The following MPP7 variants were observed in gnomAD, a reference collection of about 807,000 sequenced individuals.
MPP7 encodes the protein MAGUK p55 subfamily member 7.
Under a neutral mutation model 76.5 loss-of-function variants are expected in MPP7, and 60 were observed. That is an observed-to-expected ratio of 0.78 (90% CI 0.64 to 0.97). The LOEUF (loss-of-function observed/expected upper bound fraction) is 0.97, where lower values mean the gene tolerates loss of function less well. Ranked by LOEUF, MPP7 falls within the 50% of genes least tolerant of loss-of-function variation. The pLI is 0.00. For synonymous variants in MPP7, 237 were observed against 244.5 expected (o/e 0.97, Z 0.29); for missense variants, 641 against 694.0 (o/e 0.92, Z 0.86).
intron 11 of MPP7, among the ~76,000 whole-genome samples, chr10:28,090,143 G>A (rs1853226781): frequency 6.6e-6 from 1 of 151,956 alleles, no homozygotes; most frequent in Non-Finnish European, 1.5e-5. Context: ...AAAATACTTT[G>A]TAGAGACAGG....
At chr10:28,112,331 GA>G (rs1004953588) in intron 11 of MPP7, among the ~76,000 whole-genome samples, 4 of 152,080 alleles carry the variant, frequency 2.6e-5, no homozygotes, top group African/African-American at 7.2e-5. Flanking sequence ...GGACCAATGG[GA>G]TAGATTAAAT....
chr10:28,072,659 G>A (rs1337211846), intron 12 of MPP7, among the ~76,000 whole-genome samples: 2 of 152,142 alleles, frequency 1.3e-5, no homozygotes, highest in East Asian at 1.9e-4. Context: ...TCCAAATGCA[G>A]CCTCTGACTT....
chr10:28,258,859 GGA>G (rs1357054218), intron 1 of MPP7, among the ~76,000 whole-genome samples: 5 of 152,094 alleles, frequency 3.3e-5, no homozygotes, highest in Non-Finnish European at 7.4e-5. Flanking sequence ...CTGTGGAGTG[GGA>G]GAGAGAGCTC....
In MPP7 at chr10:28,244,845, C is replaced by T. The variant is rs182795861; in HGVS notation, c.-131-6110G>A. 8.5e-5 allele frequency among the ~76,000 whole-genome samples: 13 copies of T among 152,242 alleles called. No homozygotes were observed. In the East Asian group the frequency reaches 2.3e-3, roughly 27 times the overall value. Reference sequence around the variant, plus strand: ...AGTGCGGGCTCGGGAAGGCACACAACCGCCCCTTCTCTGCAAGCATAGGTG... The same window carrying T: ...AGTGCGGGCTCGGGAAGGCACACAATCGCCCCTTCTCTGCAAGCATAGGTG... On this transcript the variant is annotated intron_variant, in intron 1 of 16. Transcript: ENST00000683449.
At chr10:28,057,602 C>CTTTTTTTTTTTTTTTTTT (rs1564608908) in intron 15 of MPP7, 1 of 311,474 alleles carries the variant, frequency 3.2e-6, no homozygotes, top group African/African-American at 3.7e-5. Context: ...GCCAATTAAA[C>CTTTTTTTTTTTTTTTTTT]CTCTTTTTTT....
intron 3 of MPP7, among the ~76,000 whole-genome samples, chr10:28,199,839 C>T (rs1837711030): frequency 6.6e-6 from 1 of 151,524 alleles, no homozygotes; most frequent in African/African-American, 2.4e-5. Flanking sequence ...AACTCCTGGC[C>T]TCGGATTACA....
chr10:28,064,144 T>C (rs1564612754), intron 13 of MPP7, among the ~76,000 whole-genome samples: 1 of 152,216 alleles, frequency 6.6e-6, no homozygotes, highest in Non-Finnish European at 1.5e-5. Context: ...GTAATAACTT[T>C]ATTTATAATA....
At chr10:28,198,055 A>G (rs995455558) in intron 3 of MPP7, among the ~76,000 whole-genome samples, 1 of 152,192 alleles carries the variant, frequency 6.6e-6, no homozygotes, top group African/African-American at 2.4e-5. Flanking sequence ...GAAAATATCA[A>G]TTTGGGTTTG....
chr10:28,227,547 A>G (rs1481511079), intron 2 of MPP7, among the ~76,000 whole-genome samples: 4 of 151,382 alleles, frequency 2.6e-5, no homozygotes, highest in African/African-American at 9.7e-5. Flanking sequence ...GCTCCCACTT[A>G]CAAGAGAAAA....
chr10:28,095,670 G>A (rs1157564368), intron 11 of MPP7, among the ~76,000 whole-genome samples: 1 of 152,130 alleles, frequency 6.6e-6, no homozygotes, highest in African/African-American at 2.4e-5. Flanking sequence ...GTACACAGAG[G>A]ATTCTTTTAG....
chr10:28,271,209 C>G (rs1840316968), intron 1 of MPP7, among the ~76,000 whole-genome samples: 1 of 152,124 alleles, frequency 6.6e-6, no homozygotes, highest in Admixed American at 6.6e-5. Flanking sequence ...TTGGAAGGAG[C>G]AGAGAAACCA....
At chr10:28,127,012 T>A (rs1457866160) in intron 6 of MPP7, among the ~76,000 whole-genome samples, 1 of 152,182 alleles carries the variant, frequency 6.6e-6, no homozygotes, top group African/African-American at 2.4e-5. Context: ...ACTGTATGTA[T>A]GAGGAACTCC....
At chr10:28,203,933 A>T (rs538357282) in intron 2 of MPP7, among the ~76,000 whole-genome samples, 14 of 152,354 alleles carry the variant, frequency 9.2e-5, no homozygotes, top group African/African-American at 3.4e-4. Context: ...TCACATAAAA[A>T]GTACTCAATA....
At chr10:28,311,035 C>T (rs1259384690) in intron 2 of MPP7, among the ~76,000 whole-genome samples, 1 of 152,124 alleles carries the variant, frequency 6.6e-6, no homozygotes, top group African/African-American at 2.4e-5. Context: ...ATGGGATCCC[C>T]AGTGGCTTAC....
intron 2 of MPP7, among the ~76,000 whole-genome samples, chr10:28,229,685 C>T (rs7094807): frequency 0.17 from 26,322 of 151,856 alleles, 2,576 homozygotes; most frequent in African/African-American, 0.26. Flanking sequence ...GTCAGGAGAT[C>T]GAGACCATCC....
intron 12 of MPP7, among the ~76,000 whole-genome samples, chr10:28,070,353 C>T (rs1375272131): frequency 1.3e-5 from 2 of 151,980 alleles, no homozygotes; most frequent in East Asian, 3.9e-4. Flanking sequence ...GAGCCGAGAT[C>T]GCGCCTCTGC....
At chr10:28,144,639 C>T (rs1447935942) in intron 5 of MPP7, among the ~76,000 whole-genome samples, 1 of 152,182 alleles carries the variant, frequency 6.6e-6, no homozygotes, top group African/African-American at 2.4e-5. Flanking sequence ...CACCCCCAAC[C>T]CATCTCCCAC....
At chr10:28,076,145 T>C (rs1852473595) in intron 12 of MPP7, among the ~76,000 whole-genome samples, 1 of 152,140 alleles carries the variant, frequency 6.6e-6, no homozygotes. Context: ...GGGGAGGTGA[T>C]GGATTCACTC....
chr10:28,184,954 AAT>A (rs1837183671), intron 3 of MPP7, among the ~76,000 whole-genome samples: 1 of 147,284 alleles, frequency 6.8e-6, no homozygotes, highest in African/African-American at 2.5e-5. Context: ...GTAATAATAT[AAT>A]ATATTTATCT....
Sources: allele counts gnomAD v4.1 joint callset (sites outside exome capture counted in the v4.1 genomes callset), GRCh38; gene constraint gnomAD v4.1.1; transcripts MANE v1.5; gene names NCBI Gene and HGNC (gene_info 2026-07-23, HGNC 2026-07-21).